The following PTAFR variants were observed in gnomAD, a reference collection of about 807,000 sequenced individuals.
PTAFR encodes platelet activating factor receptor, also known as platelet-activating factor receptor.
Under a neutral mutation model 14.7 loss-of-function variants are expected in PTAFR, and 8 were observed. The observed-to-expected ratio is 0.54, with a 90% CI of 0.32 to 0.98. The LOEUF (loss-of-function observed/expected upper bound fraction) is 0.98, where lower values mean the gene tolerates loss of function less well. Among genes scored for constraint, PTAFR ranks in the 50% least tolerant of loss-of-function variants. The pLI, the probability that PTAFR is intolerant of heterozygous loss-of-function variation, is 0.04. For synonymous variants in PTAFR, 156 were observed against 176.5 expected (o/e 0.88, Z 0.92); for missense variants, 337 against 451.2 (o/e 0.75, Z 2.29).
chr1:28,161,254 C>T (rs1164425776), intron 1 of PTAFR, among the ~76,000 whole-genome samples: 2 of 152,130 alleles, frequency 1.3e-5, no homozygotes, highest in African/African-American at 4.8e-5. Context: ...TCTATGTGAC[C>T]TCTCTGCCAA....
chr1:28,190,210 G>A (rs1237617382), intron 1 of PTAFR, among the ~76,000 whole-genome samples: 4 of 148,580 alleles, frequency 2.7e-5, no homozygotes, highest in African/African-American at 1.0e-4. Context: ...GACCTCAGAT[G>A]ATCCGCCTGC....
intron 1 of PTAFR, among the ~76,000 whole-genome samples, chr1:28,169,914 C>G (rs966128283): frequency 3.3e-5 from 5 of 151,672 alleles, no homozygotes; most frequent in Non-Finnish European, 7.4e-5. Flanking sequence ...GCAGGGGAAT[C>G]ACTTGAACCC....
At chr1:28,183,129 T>C in intron 1 of PTAFR, among the ~76,000 whole-genome samples, 1 of 152,242 alleles carries the variant, frequency 6.6e-6, no homozygotes, top group Non-Finnish European at 1.5e-5. Flanking sequence ...TGTTATGTAG[T>C]GGATAATTGT....
chr1:28,173,683 G>A (rs1477333295), intron 1 of PTAFR, among the ~76,000 whole-genome samples: 1 of 150,876 alleles, frequency 6.6e-6, no homozygotes, highest in Non-Finnish European at 1.5e-5. Context: ...GGGGGGCGGG[G>A]TATGCACAAA....
chr1:28,180,349 C>T (rs1468489024), upstream of PTAFR, among the ~76,000 whole-genome samples: 1 of 152,110 alleles, frequency 6.6e-6, no homozygotes, highest in Non-Finnish European at 1.5e-5. Context: ...CACTGCTCTC[C>T]ACCCTGGGCG....
chr1:28,174,247 T>G (rs1458939873), intron 1 of PTAFR, among the ~76,000 whole-genome samples: 2 of 152,142 alleles, frequency 1.3e-5, no homozygotes, highest in South Asian at 4.2e-4. Context: ...CAAGGGGTGC[T>G]GCCGGCTCCT....
At chr1:28,153,320 T>C (rs1179821201) in intron 1 of PTAFR, among the ~76,000 whole-genome samples, 2 of 152,160 alleles carry the variant, frequency 1.3e-5, no homozygotes, top group Non-Finnish European at 2.9e-5. Flanking sequence ...TGCAAGCTCC[T>C]AGGAGCTGCC....
At chr1:28,157,995 C>G (rs1231536528) in intron 1 of PTAFR, among the ~76,000 whole-genome samples, 1 of 152,180 alleles carries the variant, frequency 6.6e-6, no homozygotes, top group Non-Finnish European at 1.5e-5. Context: ...TAGCCCAATT[C>G]ACTCATTCAG....
chr1:28,162,327 T>C (rs1421021780), intron 1 of PTAFR, among the ~76,000 whole-genome samples: 1 of 152,116 alleles, frequency 6.6e-6, no homozygotes, highest in Non-Finnish European at 1.5e-5. Flanking sequence ...GGCAAAAGTT[T>C]GGTAAACATT....
chr1:28,153,926 T>A (rs1646228255), intron 1 of PTAFR, among the ~76,000 whole-genome samples: 1 of 151,620 alleles, frequency 6.6e-6, no homozygotes, highest in African/African-American at 2.4e-5. Flanking sequence ...TGGTGGTGCT[T>A]GCCTGTAGTC....
At chr1:28,182,090 C>A (rs948029471) in intron 1 of PTAFR, among the ~76,000 whole-genome samples, 1 of 152,136 alleles carries the variant, frequency 6.6e-6, no homozygotes, top group South Asian at 2.1e-4. Flanking sequence ...AATCCCAGCA[C>A]TTTGGGAGGC....
intron 1 of PTAFR, among the ~76,000 whole-genome samples, chr1:28,175,013 G>A (rs752072730): frequency 6.6e-6 from 1 of 152,066 alleles, no homozygotes; most frequent in Non-Finnish European, 1.5e-5. Flanking sequence ...TGCAACCTCC[G>A]CCTCCCAGGT....
At chr1:28,172,960 G>GACTTTATGA (rs1416262719) in intron 1 of PTAFR, among the ~76,000 whole-genome samples, 1 of 152,036 alleles carries the variant, frequency 6.6e-6, no homozygotes, top group Non-Finnish European at 1.5e-5. Flanking sequence ...CATTGAAATG[G>GACTTTATGA]ACTTTATGAA....
At position 28,150,380 on chromosome 1, in the gene PTAFR, G is replaced by A. The variant is rs1249521972; in HGVS notation, c.642C>T (p.Leu214=). The A allele has an allele frequency of 3.1e-6, 5 of 1,613,844 alleles. No homozygotes were observed. Among genetic ancestry groups the A allele is most frequent in the Non-Finnish European group, 3.4e-6 (4 of 1,179,924 alleles). The stretch of plus-strand genomic sequence containing the variant: ...TGCGCTGCTGCTGCACCGGCTGCAT[G>A]AGCAAGGTACGGATGATGACCAGGT... ...FCNLVIIRTL[L]MQPVQQQRNA... is the part of the protein sequence containing the mutation. Residue 214 remains leucine (L), a synonymous_variant, in exon 2 of 2, where the codon CTC becomes CTT. Coordinates refer to ENST00000373857, the MANE Select transcript of PTAFR (RefSeq NM_000952.5). The surrounding 1 kb of genome is among the most constrained non-coding windows in gnomAD (Gnocchi z 6.3).
At chr1:28,188,567 C>T (rs762314931) in intron 1 of PTAFR, among the ~76,000 whole-genome samples, 1 of 152,024 alleles carries the variant, frequency 6.6e-6, no homozygotes, top group Non-Finnish European at 1.5e-5. Context: ...GGTGAAACCC[C>T]GTCTCTACTA....
intron 1 of PTAFR, among the ~76,000 whole-genome samples, chr1:28,169,806 C>T (rs1028685744): frequency 9.9e-5 from 15 of 152,082 alleles, no homozygotes; most frequent in African/African-American, 2.4e-5. Context: ...TCGAGACCAG[C>T]CTAGCCAACA....
At chr1:28,153,465 G>A (rs1253334179) in intron 1 of PTAFR, among the ~76,000 whole-genome samples, 1 of 151,794 alleles carries the variant, frequency 6.6e-6, no homozygotes, top group African/African-American at 2.4e-5. Context: ...AGCGCAGTAG[G>A]CCAGGCGTGG....
At chr1:28,154,261 C>T (rs963393721) in intron 1 of PTAFR, among the ~76,000 whole-genome samples, 4 of 152,034 alleles carry the variant, frequency 2.6e-5, no homozygotes, top group Non-Finnish European at 5.9e-5. Flanking sequence ...AAGCTGACTA[C>T]GGGGTGGTTA....
intron 1 of PTAFR, among the ~76,000 whole-genome samples, chr1:28,182,370 G>A (rs1031416714): frequency 7.0e-6 from 1 of 143,032 alleles, no homozygotes; most frequent in Non-Finnish European, 1.5e-5. Flanking sequence ...GGAAGGAAGG[G>A]AGGGAGGGAG....
Sources: allele counts gnomAD v4.1 joint callset (sites outside exome capture counted in the v4.1 genomes callset), GRCh38; gene constraint gnomAD v4.1.1; non-coding constraint Gnocchi (gnomAD v3.1); transcripts MANE v1.5; gene names NCBI Gene and HGNC (gene_info 2026-07-23, HGNC 2026-07-21).